HCN1: variants seen among roughly 807,000 people sequenced by gnomAD.
The protein encoded by HCN1 is hyperpolarization activated cyclic nucleotide gated potassium channel 1, also known as potassium/sodium hyperpolarization-activated cyclic nucleotide-gated channel 1.
In HCN1, 13 loss-of-function variants were observed where a neutral mutation model predicts 78.9. That is an observed-to-expected ratio of 0.16 (90% CI 0.11 to 0.26). The LOEUF is 0.26. HCN1 is among the 10% of genes least tolerant of loss of function. The pLI, the probability that HCN1 is intolerant of heterozygous loss-of-function variation, is 1.00. For synonymous variants in HCN1, 552 were observed against 455.5 expected, an observed-to-expected ratio of 1.21 and a Z score of -2.70; for missense variants, 810 against 1,154.3, an observed-to-expected ratio of 0.70 and a Z score of 4.32.
intron 3 of HCN1, among the ~76,000 whole-genome samples, chr5:45,413,156 A>G (rs1740055843): frequency 6.6e-6 from 1 of 152,110 alleles, no homozygotes; most frequent in South Asian, 2.1e-4. Context: ...TGGGGAATAA[A>G]AAGTTTTACA....
At position 45,261,884 on chromosome 5, in the gene HCN1, TG is replaced by T; in HGVS notation, c.*36del. On this transcript the variant is annotated 3_prime_UTR_variant, in exon 8 of 8. Coordinates refer to ENST00000303230, the MANE Select transcript of HCN1 (RefSeq NM_021072.4). ...AAGATCTGAGTATAGTCTCAGTTTA[TG>T]AGAGTATTTCTTTCTGCTTTGACAA... 1 of 1,612,722 alleles carries T rather than the reference TG, an allele frequency of 6.2e-7. No homozygotes were observed. The highest frequency in any genetic ancestry group is 8.5e-7 in the Non-Finnish European group (1 of 1,179,190).
intron 2 of HCN1, among the ~76,000 whole-genome samples, chr5:45,464,561 G>A (rs1741230548): frequency 1.3e-5 from 2 of 152,136 alleles, no homozygotes; most frequent in South Asian, 4.1e-4. Context: ...GTACAAGCAA[G>A]TTGGGTATTT....
rs552792320 is a variant in HCN1, at chr5:45,496,058, T to C, written c.850-34051A>G. The stretch of plus-strand genomic sequence containing the variant: ...GTTCATCAAGGATATTGGTCTAAAA[T>C]TCTCTTTTTTGGTTGTGTCTCTGCA... On this transcript the variant is annotated intron_variant, in intron 2 of 7. Coordinates refer to ENST00000303230, the MANE Select transcript of HCN1 (RefSeq NM_021072.4). Among the ~76,000 whole-genome samples, 20 of 152,286 alleles carry C rather than the reference T, an allele frequency of 1.3e-4. 1 individual carries two copies. The highest frequency in any genetic ancestry group is 4.8e-4 in the African/African-American group (20 of 41,550).
chr5:45,271,359 TACAC>T (rs34016747), intron 6 of HCN1, among the ~76,000 whole-genome samples: 4,184 of 137,178 alleles, frequency 0.031, 82 homozygotes, highest in East Asian at 0.11. Context: ...CTGATTCAGG[TACAC>T]ACACACACAC....
chr5:45,539,541 T>G (rs1743047247), intron 2 of HCN1, among the ~76,000 whole-genome samples: 1 of 150,518 alleles, frequency 6.6e-6, no homozygotes, highest in African/African-American at 2.4e-5. Context: ...GGCGGGCACC[T>G]GTAATCCCAG....
At chr5:45,373,524 TTACA>T (rs1028444997) in intron 4 of HCN1, among the ~76,000 whole-genome samples, 41 of 141,148 alleles carry the variant, frequency 2.9e-4, no homozygotes, top group Non-Finnish European at 5.2e-4. Context: ...ATAATATATA[TTACA>T]TACATTATAT....
At chr5:45,509,218 G>A (rs1341564468) in intron 2 of HCN1, among the ~76,000 whole-genome samples, 3 of 152,080 alleles carry the variant, frequency 2.0e-5, no homozygotes, top group South Asian at 2.1e-4. Flanking sequence ...ATAGCAGAGC[G>A]GAGAGATTGC....
chr5:45,511,691 T>C (rs1742419842), intron 2 of HCN1, among the ~76,000 whole-genome samples: 1 of 151,980 alleles, frequency 6.6e-6, no homozygotes, highest in Non-Finnish European at 1.5e-5. Context: ...AAATGTTAGT[T>C]AAAAGGAGCC....
At chr5:45,315,083 C>A (rs1745951894) in intron 5 of HCN1, among the ~76,000 whole-genome samples, 1 of 152,178 alleles carries the variant, frequency 6.6e-6, no homozygotes, top group Non-Finnish European at 1.5e-5. Context: ...ATCTACAGAA[C>A]TCTCCAACCC....
intron 2 of HCN1, among the ~76,000 whole-genome samples, chr5:45,479,891 C>T (rs1336172079): frequency 1.3e-5 from 2 of 152,100 alleles, no homozygotes; most frequent in Non-Finnish European, 2.9e-5. Context: ...ATTTCTTCTC[C>T]TAATATATTC....
At chr5:45,477,647 T>A (rs1395607620) in intron 2 of HCN1, among the ~76,000 whole-genome samples, 1 of 152,070 alleles carries the variant, frequency 6.6e-6, no homozygotes, top group Admixed American at 6.6e-5. Flanking sequence ...AAAACAACAA[T>A]AACATTTTAG....
intron 2 of HCN1, among the ~76,000 whole-genome samples, chr5:45,485,080 TGTG>T (rs1276506157): frequency 6.6e-6 from 1 of 152,196 alleles, no homozygotes; most frequent in African/African-American, 2.4e-5. Context: ...TTCAGTCAGA[TGTG>T]GTAATTTTCT....
At chr5:45,262,878 T>C in intron 7 of HCN1, 68 bp from the exon 8 acceptor site, 1 of 1,547,420 alleles carries the variant, frequency 6.5e-7, no homozygotes, top group Non-Finnish European at 8.9e-7. Context: ...CAAGTGAGAG[T>C]GGCTCCTGCA....
chr5:45,538,035 A>G (rs979952498), intron 2 of HCN1, among the ~76,000 whole-genome samples: 2 of 2,890 alleles, frequency 6.9e-4, no homozygotes, highest in African/African-American at 9.4e-4. Flanking sequence ...ATAACAGTTA[A>G]AAAAAAAAAA....
chr5:45,286,698 A>C (rs1455454596), intron 6 of HCN1, among the ~76,000 whole-genome samples: 1 of 151,976 alleles, frequency 6.6e-6, no homozygotes, highest in Non-Finnish European at 1.5e-5. Flanking sequence ...TATCCAAGCA[A>C]AGGGAACTAC....
At chr5:45,420,473 C>T (rs1740204621) in intron 3 of HCN1, among the ~76,000 whole-genome samples, 1 of 152,090 alleles carries the variant, frequency 6.6e-6, no homozygotes, top group African/African-American at 2.4e-5. Context: ...GCTTTTTCTG[C>T]CCTCTGTCCT....
At chr5:45,537,934 AG>A (rs1415140207) in intron 2 of HCN1, among the ~76,000 whole-genome samples, 2 of 152,116 alleles carry the variant, frequency 1.3e-5, no homozygotes, top group Non-Finnish European at 2.9e-5. Context: ...GATCTTTGAC[AG>A]AAAGTACCGT....
At chr5:45,673,652 C>A (rs1746201081) in intron 1 of HCN1, among the ~76,000 whole-genome samples, 1 of 151,448 alleles carries the variant, frequency 6.6e-6, no homozygotes, top group Admixed American at 6.6e-5. Flanking sequence ...TAATACAATT[C>A]TTTGCTTATA....
chr5:45,311,718 T>G (rs1262535050), intron 5 of HCN1, among the ~76,000 whole-genome samples: 1 of 152,220 alleles, frequency 6.6e-6, no homozygotes. Flanking sequence ...GTAATATTCT[T>G]TGCATAAGGT....
Sources: allele counts gnomAD v4.1 joint callset (sites outside exome capture counted in the v4.1 genomes callset), GRCh38; gene constraint gnomAD v4.1.1; transcripts MANE v1.5; gene names NCBI Gene and HGNC (gene_info 2026-07-23, HGNC 2026-07-21).